The following ICA1L variants were observed in gnomAD, a reference collection of about 807,000 sequenced individuals.
ICA1L encodes the protein islet cell autoantigen 1-like protein.
A neutral mutation model predicts 61.3 loss-of-function variants in ICA1L; 50 were observed. That is an observed-to-expected ratio of 0.82 (90% CI 0.65 to 1.03). ICA1L has a LOEUF of 1.03. Ranked by LOEUF, ICA1L falls within the 50% of genes least tolerant of loss-of-function variation. ICA1L has a pLI of 0.00. For missense variants in ICA1L, 508 were observed against 556.7 expected (o/e 0.91, Z 0.88); for synonymous variants, 161 against 191.3 (o/e 0.84, Z 1.31).
At position 202,798,705 on chromosome 2, in the gene ICA1L, C is replaced by T. The variant is rs192874408; in HGVS notation, c.911-1741G>A. 9.7e-3 allele frequency among the ~76,000 whole-genome samples: 1,476 copies of T among 152,196 alleles called. 28 individuals are homozygous for T. Among genetic ancestry groups the T allele is most frequent in the South Asian group, 0.058 (281 of 4,808 alleles). On this transcript the variant is annotated intron_variant, in intron 9 of 12. Transcript: ENST00000358299. The stretch of plus-strand genomic sequence containing the variant: ...ATAATAACCGTACTCTGCTATCAAA[C>T]TTGATACATTCCTTCTATTTCACTG...
At chr2:202,863,327 C>T (rs1319508805) in intron 1 of ICA1L, among the ~76,000 whole-genome samples, 1 of 151,928 alleles carries the variant, frequency 6.6e-6, no homozygotes, top group Admixed American at 6.6e-5. Context: ...AATCAATTAT[C>T]TATGCTTCCA....
intron 1 of ICA1L, chr2:202,860,203 T>A (rs1298318506): frequency 2.7e-5 from 4 of 150,922 alleles, no homozygotes; most frequent in Non-Finnish European, 5.9e-5. Flanking sequence ...GCCCAGGAGT[T>A]CAAGGTTACA....
intron 3 of ICA1L, 67 bp from the exon 4 acceptor site, chr2:202,821,548 TAA>T: frequency 8.2e-7 from 1 of 1,214,120 alleles, no homozygotes; most frequent in Non-Finnish European, 1.2e-6. Context: ...TACACACAAC[TAA>T]AAATCTCACA....
intron 1 of ICA1L, among the ~76,000 whole-genome samples, chr2:202,860,957 CA>C (rs1335804483): frequency 6.6e-6 from 1 of 151,978 alleles, no homozygotes; most frequent in Non-Finnish European, 1.5e-5. Flanking sequence ...AGGCCAGAAA[CA>C]GTGGCCCATG....
intron 1 of ICA1L, among the ~76,000 whole-genome samples, chr2:202,868,842 C>CTTGTA (rs1687603333): frequency 6.6e-6 from 1 of 151,948 alleles, no homozygotes; most frequent in Non-Finnish European, 1.5e-5. Flanking sequence ...ATGGCATGTG[C>CTTGTA]TTGTAGTCCC....
intron 1 of ICA1L, among the ~76,000 whole-genome samples, chr2:202,836,407 G>A (rs1019506541): frequency 1.3e-5 from 2 of 152,136 alleles, no homozygotes; most frequent in African/African-American, 4.8e-5. Flanking sequence ...GTTGAATTTG[G>A]TTTGCTAGTA....
At chr2:202,807,338 G>A (rs1693255516) in intron 9 of ICA1L, among the ~76,000 whole-genome samples, 2 of 152,318 alleles carry the variant, frequency 1.3e-5, no homozygotes, top group East Asian at 3.9e-4. Context: ...GTGGGACTTT[G>A]CATTAGAACT....
At chr2:202,871,526 C>T (rs1440683028) in intron 1 of ICA1L, 93 bp downstream of exon 1, 1 of 152,224 alleles carries the variant, frequency 6.6e-6, no homozygotes, top group Non-Finnish European at 1.5e-5. Flanking sequence ...GCCCCCGCCT[C>T]CCGGCGTCGC....
intron 12 of ICA1L, among the ~76,000 whole-genome samples, chr2:202,781,872 C>A (rs1692417248): frequency 6.6e-6 from 1 of 152,148 alleles, no homozygotes; most frequent in Admixed American, 6.5e-5. Flanking sequence ...TACACTCCTA[C>A]ACGCAGTTTT....
At chr2:202,827,640 A>G (rs1466971037) in intron 2 of ICA1L, among the ~76,000 whole-genome samples, 1 of 152,206 alleles carries the variant, frequency 6.6e-6, no homozygotes, top group African/African-American at 2.4e-5. Context: ...AAACAATACC[A>G]AAACCTTATA....
intron 11 of ICA1L, among the ~76,000 whole-genome samples, chr2:202,787,550 A>G (rs1052763555): frequency 3.3e-5 from 5 of 152,218 alleles, no homozygotes; most frequent in African/African-American, 1.2e-4. Flanking sequence ...ATTCTATTCA[A>G]TCAATTCTTA....
chr2:202,780,563 G>A (rs1159015989), intron 12 of ICA1L, among the ~76,000 whole-genome samples: 2 of 152,166 alleles, frequency 1.3e-5, no homozygotes, highest in East Asian at 1.9e-4. Flanking sequence ...GAGTCCACAA[G>A]GCAGGGTTGA....
chr2:202,861,878 A>G (rs1262304974), intron 1 of ICA1L, among the ~76,000 whole-genome samples: 1 of 128,402 alleles, frequency 7.8e-6, no homozygotes, highest in Non-Finnish European at 1.7e-5. Context: ...AGTGAGATTC[A>G]GACTCAAAAA....
At chr2:202,863,479 G>T (rs1269014409) in intron 1 of ICA1L, among the ~76,000 whole-genome samples, 1 of 151,870 alleles carries the variant, frequency 6.6e-6, no homozygotes, top group Non-Finnish European at 1.5e-5. Flanking sequence ...AATTTAAAAA[G>T]CTTCTAGTAA....
Position 202,811,738 on chromosome 2 carries a change from C to T in ICA1L, c.910+8G>A. 3 of 1,575,388 alleles carry T rather than the reference C, an allele frequency of 1.9e-6. No homozygotes were observed. Among genetic ancestry groups the T allele is most frequent in the Non-Finnish European group, 2.6e-6 (3 of 1,151,568 alleles). On this transcript the variant is annotated splice_region_variant and intron_variant, in intron 9 of 12. Coordinates refer to ENST00000358299, the MANE Select transcript of ICA1L (RefSeq NM_001288622.3). ...GACCATTTCAAAGTAATAAATTTAC[C>T]ATCTTACCTTGTTCACTCTCAAAGC...
At chr2:202,854,925 C>T (rs1478768475) in intron 1 of ICA1L, among the ~76,000 whole-genome samples, 1 of 152,122 alleles carries the variant, frequency 6.6e-6, no homozygotes, top group East Asian at 1.9e-4. Flanking sequence ...ACCTGGGAGG[C>T]TGCGGCAGGA....
At position 202,859,496 on chromosome 2, in the gene ICA1L, G is replaced by A. The variant is rs143952477; in HGVS notation, c.-8+12123C>T. On this transcript the variant is annotated intron_variant, in intron 1 of 12. Coordinates refer to ENST00000358299, the MANE Select transcript of ICA1L (RefSeq NM_001288622.3). Reference sequence around the variant, plus strand: ...TGTTCTGGGTGCTATGATTGGCACTGTAATCATAACATCAATAAGACATTG... The same window carrying A: ...TGTTCTGGGTGCTATGATTGGCACTATAATCATAACATCAATAAGACATTG... 1.4e-4 allele frequency among the ~76,000 whole-genome samples: 21 copies of A among 152,286 alleles called. 1 individual carries two copies. The highest frequency in any genetic ancestry group is 5.1e-4 in the African/African-American group (21 of 41,562).
chr2:202,858,455 A>T (rs1694822399), intron 1 of ICA1L, among the ~76,000 whole-genome samples: 1 of 152,196 alleles, frequency 6.6e-6, no homozygotes, highest in Admixed American at 6.5e-5. Context: ...GGAACATCAC[A>T]CACTGGGGCC....
In ICA1L at chr2:202,797,132, T is replaced by TTGTGTG. The variant is rs58006631; in HGVS notation, c.911-174_911-169dup. Among the ~76,000 whole-genome samples the TTGTGTG allele has an allele frequency of 8.2e-3, 1,216 of 147,802 alleles. 1 individual carries two copies. Among genetic ancestry groups the TTGTGTG allele is most frequent in the African/African-American group, 0.016 (659 of 40,520 alleles). On this transcript the variant is annotated intron_variant, in intron 9 of 12. Coordinates refer to ENST00000358299, the MANE Select transcript of ICA1L (RefSeq NM_001288622.3). ...ATAATCTTATATATAAAAATCACAT[T>TTGTGTG]TGTGTGTGTGTGTGTGTGTGTGTGT...
Sources: gnomAD v4.1 joint callset for allele counts (sites outside exome capture counted in the v4.1 genomes callset) on GRCh38, gnomAD v4.1.1 for gene constraint, MANE v1.5 for transcripts, NCBI Gene and HGNC (gene_info 2026-07-23, HGNC 2026-07-21) for gene names.